Variants in EIF3I observed in about 807,000 individuals in gnomAD.
The protein encoded by EIF3I is TGF-beta receptor-interacting protein 1.
EIF3I carries 20 observed loss-of-function variants against 43.3 expected under a neutral mutation model. The observed-to-expected ratio is 0.46, with a 90% CI of 0.32 to 0.67. EIF3I has a LOEUF of 0.67. Among genes scored for constraint, EIF3I ranks in the 30% least tolerant of loss-of-function variants. The probability of loss-of-function intolerance (pLI) is 0.03; values close to 1 mark genes in which losing one functional copy is unlikely to be tolerated. For missense variants in EIF3I, 279 were observed against 421.4 expected (o/e 0.66, Z 2.96); for synonymous variants, 167 against 151.7 (o/e 1.10, Z -0.74).
At chr1:32,230,633 C>T (rs906344574) in intron 10 of EIF3I, among the ~76,000 whole-genome samples, 49 of 152,144 alleles carry the variant, frequency 3.2e-4, no homozygotes, top group Admixed American at 3.3e-4. Context: ...GCCAGGAGTT[C>T]GTAACCAGCC....
At chr1:32,230,293 T>G (rs1639216063) in exon 10 of EIF3I, among the ~76,000 whole-genome samples, 1 of 152,094 alleles carries the variant, frequency 6.6e-6, no homozygotes, top group African/African-American at 2.4e-5. Context: ...CAGGCTGGAG[T>G]GCAGTGGCAC....
At chr1:32,228,643 C>G (rs376743883) in intron 7 of EIF3I, 34 bp downstream of exon 7, 15 of 1,606,394 alleles carry the variant, frequency 9.3e-6, no homozygotes, top group East Asian at 4.5e-5. Context: ...AGGGCTGCTC[C>G]CTCCCTCCGG....
downstream of EIF3I, chr1:32,234,397 G>A (rs989087583): frequency 4.6e-5 from 7 of 152,144 alleles, no homozygotes; most frequent in South Asian, 1.0e-3. Context: ...CACCCCCTCA[G>A]CTCACCTCTC....
chr1:32,232,627 C>T (rs1171732323), downstream of EIF3I, among the ~76,000 whole-genome samples: 5 of 152,144 alleles, frequency 3.3e-5, no homozygotes, highest in African/African-American at 1.2e-4. Context: ...AATGAAGATG[C>T]AGAGAACAGT....
chr1:32,226,173 A>T lies in EIF3I; in HGVS notation c.253A>T (p.Lys85Ter), dbSNP rs920032111. Reference sequence around the variant, plus strand: ...GCCCAGACTTTGCCTGACTCCAGGAAAGCAGCTGGCCCTTCTCAAGACCAA... The same window carrying T: ...GCCCAGACTTTGCCTGACTCCAGGATAGCAGCTGGCCCTTCTCAAGACCAA... Residue 85 changes from lysine to a stop codon, truncating the protein, a stop_gained and splice_region_variant, in exon 5 of 12, where the codon AAG becomes TAG. Coordinates refer to ENST00000676679, the Ensembl canonical transcript of EIF3I. LOFTEE classifies it high-confidence loss of function. The T allele has an allele frequency of 5.0e-6, 8 of 1,614,094 alleles. No individual in the cohort carries two copies. Among genetic ancestry groups the T allele is most frequent in the Non-Finnish European group, 6.8e-6 (8 of 1,179,970 alleles).
At chr1:32,223,886 CT>C in intron 2 of EIF3I, 147 bp from the exon 3 acceptor site, 1 of 699,956 alleles carries the variant, frequency 1.4e-6, no homozygotes, top group Non-Finnish European at 2.4e-6. Context: ...AGGAGTTGGT[CT>C]TTTTACCAGC....
intron 2 of EIF3I, among the ~76,000 whole-genome samples, chr1:32,223,182 A>C (rs901998796): frequency 1.1e-4 from 16 of 152,224 alleles, no homozygotes; most frequent in African/African-American, 3.4e-4. Flanking sequence ...AGACACAGGG[A>C]ACTTAATGAG....
rs1316346446 is a variant in EIF3I at position 32,229,125 on chromosome 1, T to C, written c.730-10T>C. Reference sequence around the variant, plus strand: ...CATTGGTCCCATCTAGAGTTTCTTCTTCCATTCAGGTGGTCCTGGGCGGTG... The same window carrying C: ...CATTGGTCCCATCTAGAGTTTCTTCCTCCATTCAGGTGGTCCTGGGCGGTG... On this transcript the variant is annotated splice_polypyrimidine_tract_variant and intron_variant, in intron 8 of 11. Coordinates refer to ENST00000676679, the Ensembl canonical transcript of EIF3I. 1 of 1,609,720 alleles carries C rather than the reference T, an allele frequency of 6.2e-7. No individual in the cohort carries two copies. The highest frequency in any genetic ancestry group is 8.5e-7 in the Non-Finnish European group (1 of 1,178,902).
chr1:32,222,594 C>T (rs769837607), exon 2 of EIF3I: 3 of 1,614,090 alleles, frequency 1.9e-6, no homozygotes, highest in Admixed American at 3.3e-5. Flanking sequence ...AGTATAACCG[C>T]GAAGGAGACC....
downstream of EIF3I, chr1:32,233,957 T>C (rs1002216917): frequency 7.2e-5 from 11 of 152,056 alleles, no homozygotes; most frequent in African/African-American, 2.4e-4. Context: ...CACTCAGTTT[T>C]CCTAAAAGAC....
At chr1:32,231,844 T>C (rs952486528), downstream of EIF3I, 1 of 152,800 alleles carries the variant, frequency 6.5e-6, no homozygotes, top group African/African-American at 2.4e-5. Context: ...GTGCTTAGAA[T>C]AGGGGCTCGG....
Sources: gnomAD v4.1 joint callset for allele counts (sites outside exome capture counted in the v4.1 genomes callset) on GRCh38, gnomAD v4.1.1 for gene constraint, MANE v1.5 for transcripts, NCBI Gene and HGNC (gene_info 2026-07-23, HGNC 2026-07-21) for gene names.